Variants in CNTN5 observed in about 807,000 individuals in gnomAD.
CNTN5 encodes the protein contactin-5.
In CNTN5, 77 loss-of-function variants were observed where a neutral mutation model predicts 129.1. The ratio of observed to expected loss-of-function variants is 0.60; its 90% confidence interval spans 0.50 to 0.72. The LOEUF (loss-of-function observed/expected upper bound fraction) is 0.72. CNTN5 is among the 30% of genes least tolerant of loss of function. The pLI is 0.00. For missense variants in CNTN5, 1,478 were observed against 1,328.8 expected, an observed-to-expected ratio of 1.11 and a Z score of -1.75; for synonymous variants, 509 against 465.6, an observed-to-expected ratio of 1.09 and a Z score of -1.20.
At chr11:99,571,912 G>A (rs1356738033) in intron 3 of CNTN5, among the ~76,000 whole-genome samples, 2 of 152,088 alleles carry the variant, frequency 1.3e-5, no homozygotes, top group Non-Finnish European at 2.9e-5. Flanking sequence ...AAGCTATAAA[G>A]ACTTTGAAGA....
At position 99,576,145 on chromosome 11, in the gene CNTN5, C is replaced by A. The variant is rs186982949; in HGVS notation, c.55+19876C>A. 2.5e-4 allele frequency among the ~76,000 whole-genome samples: 38 copies of A among 152,296 alleles called. No individual in the cohort carries two copies. The East Asian group carries it at 6.0e-3, about 24-fold the overall frequency. ...TTTTTCCCTACCACAGGTTCCGAAG[C>A]ACCACGGCAAGCCTGATCTGTGAGG... On this transcript the variant is annotated intron_variant, in intron 3 of 24. Coordinates refer to ENST00000524871, the MANE Select transcript of CNTN5 (RefSeq NM_014361.4).
chr11:99,561,291 A>ATAAGTAAG (rs199944503), intron 3 of CNTN5, among the ~76,000 whole-genome samples: 1 of 152,018 alleles, frequency 6.6e-6, no homozygotes, highest in Admixed American at 6.6e-5. Context: ...ATTTCAGCAA[A>ATAAGTAAG]TAAGTAAGTA....
rs1952529185 is a variant in CNTN5, at chr11:100,356,487, C to A, written c.*267C>A. On this transcript the variant is annotated 3_prime_UTR_variant, in exon 25 of 25. Transcript: ENST00000524871. ...GAATTTTTGTAAACAAAGGTAATTT[C>A]TGTCAAATGTATTCTTTACTTTTTT... 2.2e-6 allele frequency: 1 copy of A among 449,990 alleles called. No homozygotes were observed. Among genetic ancestry groups the A allele is most frequent in the African/African-American group, 2.0e-5 (1 of 49,434 alleles). The allele number at this position is 449,990 out of a possible 1,614,324, so 27.9% of individuals were successfully genotyped here. A position where few individuals can be genotyped will look rare whatever the true frequency, so the allele number is the denominator to read the frequency against.
chr11:99,978,516 GTTAT>G (rs1334978678), intron 8 of CNTN5, among the ~76,000 whole-genome samples: 4 of 152,234 alleles, frequency 2.6e-5, no homozygotes, highest in African/African-American at 9.6e-5. Context: ...GTGTACCATT[GTTAT>G]TTATATCATA....
intron 5 of CNTN5, 35 bp downstream of exon 5, chr11:99,845,010 T>C: frequency 6.2e-7 from 1 of 1,610,304 alleles, no homozygotes; most frequent in Non-Finnish European, 8.5e-7. Context: ...TTCTTAAGCC[T>C]TAAAAACTTT....
At chr11:99,935,559 C>G (rs372166180) in intron 7 of CNTN5, among the ~76,000 whole-genome samples, 2 of 150,954 alleles carry the variant, frequency 1.3e-5, no homozygotes, top group East Asian at 3.9e-4. Context: ...AATAGAGAAC[C>G]GTGTGTGTGT....
At chr11:100,265,656 T>A (rs896816540) in intron 17 of CNTN5, among the ~76,000 whole-genome samples, 1 of 152,158 alleles carries the variant, frequency 6.6e-6, no homozygotes. Flanking sequence ...TAAAAAATAA[T>A]GTCTCATTTT....
chr11:99,898,361 T>G (rs1331053846), intron 6 of CNTN5, among the ~76,000 whole-genome samples: 1 of 151,748 alleles, frequency 6.6e-6, no homozygotes, highest in Non-Finnish European at 1.5e-5. Context: ...TAAGTACAAT[T>G]GGAAATGATT....
At chr11:99,390,131 C>G in intron 2 of CNTN5, among the ~76,000 whole-genome samples, 1 of 149,214 alleles carries the variant, frequency 6.7e-6, no homozygotes, top group African/African-American at 2.5e-5. Flanking sequence ...TAAAATAAGC[C>G]TTTTTTTTTT....
chr11:99,781,879 G>A (rs1175938062), intron 3 of CNTN5, among the ~76,000 whole-genome samples: 1 of 152,038 alleles, frequency 6.6e-6, no homozygotes, highest in Non-Finnish European at 1.5e-5. Context: ...CATACTGAAT[G>A]GGCAAAAACT....
intron 9 of CNTN5, among the ~76,000 whole-genome samples, chr11:100,018,141 G>A (rs1940935148): frequency 6.6e-6 from 1 of 151,880 alleles, no homozygotes; most frequent in African/African-American, 2.4e-5. Context: ...CTTTTTAAAA[G>A]CTTTATTGCC....
At chr11:99,927,729 CT>C (rs769916621) in intron 7 of CNTN5, among the ~76,000 whole-genome samples, 46 of 152,112 alleles carry the variant, frequency 3.0e-4, no homozygotes, top group Non-Finnish European at 5.0e-4. Flanking sequence ...ATTATGGGAG[CT>C]TCAATTCAAA....
chr11:99,419,708 T>C (rs1364188669), intron 2 of CNTN5, among the ~76,000 whole-genome samples: 2 of 151,808 alleles, frequency 1.3e-5, no homozygotes, highest in Non-Finnish European at 2.9e-5. Context: ...GGGGGAGGGG[T>C]GTGGCTGGAG....
chr11:99,179,553 T>C (rs1857945826), intron 1 of CNTN5, among the ~76,000 whole-genome samples: 1 of 152,218 alleles, frequency 6.6e-6, no homozygotes, highest in Non-Finnish European at 1.5e-5. Flanking sequence ...AAAGAGTTAA[T>C]GTAATTTTAT....
At chr11:99,424,349 G>A (rs1045444887) in intron 2 of CNTN5, among the ~76,000 whole-genome samples, 2 of 152,194 alleles carry the variant, frequency 1.3e-5, no homozygotes, top group Admixed American at 6.5e-5. Context: ...GGGGGTTGTC[G>A]CTTTCCCAGC....
intron 1 of CNTN5, among the ~76,000 whole-genome samples, chr11:99,272,120 A>C (rs1252112047): frequency 6.6e-6 from 1 of 151,904 alleles, no homozygotes; most frequent in Non-Finnish European, 1.5e-5. Context: ...CGATTTGTTC[A>C]CAAGAAAACT....
At position 100,185,007 on chromosome 11, in the gene CNTN5, G is replaced by A. The variant is rs997749308; in HGVS notation, c.1581-6119G>A. Among the ~76,000 whole-genome samples the A allele has an allele frequency of 1.3e-4, 20 of 151,870 alleles. No homozygotes were observed. In the East Asian group the frequency reaches 2.0e-3, roughly 15 times the overall value. ...TATATGGGGCTCTTCCCACCTTGGC[G>A]CTCTCTCTCCTGCCGCCATGTGAAG... On this transcript the variant is annotated intron_variant, in intron 13 of 24. Coordinates refer to ENST00000524871, the MANE Select transcript of CNTN5 (RefSeq NM_014361.4).
intron 1 of CNTN5, among the ~76,000 whole-genome samples, chr11:99,206,862 C>T (rs925114920): frequency 2.6e-5 from 4 of 152,020 alleles, no homozygotes; most frequent in Non-Finnish European, 5.9e-5. Context: ...AAGTTTACTT[C>T]CGTATGTGAC....
At chr11:99,620,690 C>T (rs1465789840) in intron 3 of CNTN5, among the ~76,000 whole-genome samples, 1 of 151,720 alleles carries the variant, frequency 6.6e-6, no homozygotes, top group Admixed American at 6.6e-5. Flanking sequence ...GAAAATCAAA[C>T]GATGGAAAGC....
Sources: gnomAD v4.1 joint callset for allele counts (sites outside exome capture counted in the v4.1 genomes callset) on GRCh38, gnomAD v4.1.1 for gene constraint, MANE v1.5 for transcripts, NCBI Gene and HGNC (gene_info 2026-07-23, HGNC 2026-07-21) for gene names.